The following UBQLN2 variants were observed in gnomAD, a reference collection of about 807,000 sequenced individuals.
The protein encoded by UBQLN2 is ubiquilin 2.
A neutral mutation model predicts 22.2 loss-of-function variants in UBQLN2; 2 were observed. The ratio of observed to expected loss-of-function variants is 0.09; its 90% CI spans 0.04 to 0.28. The LOEUF (loss-of-function observed/expected upper bound fraction) is 0.28. Among genes scored for constraint, UBQLN2 ranks in the 10% least tolerant of loss-of-function variants. The pLI, the probability that UBQLN2 is intolerant of heterozygous loss-of-function variation, is 1.00. For synonymous variants in UBQLN2, 252 were observed against 206.7 expected (o/e 1.22, Z -1.88); for missense variants, 446 against 505.1 (o/e 0.88, Z 1.12).
At position 56,565,821 on chromosome X, in the gene UBQLN2, C is replaced by A; in HGVS notation, c.*73C>A. ...GCTCTTAAATCTTTAAACACACACA[C>A]AAAATCGTTCTTTACTTTCATTTTG... On this transcript the variant is annotated 3_prime_UTR_variant, in exon 1 of 1. Coordinates refer to ENST00000338222, the MANE Select transcript of UBQLN2 (RefSeq NM_013444.4). 5 of 972,010 alleles carry A rather than the reference C, an allele frequency of 5.1e-6. No individual in the cohort carries two copies. The highest frequency in any genetic ancestry group is 7.2e-6 in the Non-Finnish European group (5 of 695,356). The allele number at this position is 972,010 out of a possible 1,213,427, so 80.1% of individuals were successfully genotyped here.
Position 56,565,395 on chromosome X carries a change from AC to A in UBQLN2, c.1527del (p.Ile510Ter). 8.4e-7 allele frequency: 1 copy of A among 1,195,557 alleles called. No individual in the cohort carries two copies. The highest frequency in any genetic ancestry group is 1.1e-6 in the Non-Finnish European group (1 of 887,225). ...IGPIGPIVPF[T>X]PIGPIGPIGP... ...CCCCATAGGCCCTATAGTCCCTTTT[AC>A]CCCCATAGGCCCCATTGGGCCCATA... is the stretch of plus-strand genomic sequence containing the variant. On this transcript the variant is annotated frameshift_variant, in exon 1 of 1. Transcript: ENST00000338222. LOFTEE classifies it high-confidence loss of function.
chrX:56,565,883 A>G lies in UBQLN2; in HGVS notation c.*135A>G, dbSNP rs1050012254. 1.9e-5 allele frequency: 13 copies of G among 673,831 alleles called. No homozygotes were observed. Among genetic ancestry groups the G allele is most frequent in the Non-Finnish European group, 3.0e-5 (13 of 437,014 alleles). The allele number at this position is 673,831 out of a possible 1,213,427, so 55.5% of individuals were successfully genotyped here. ...TCTGTCTAGTTGTAAGTCTAATATG[A>G]TGCATTTTAAGATGGAGTCCCTCCC... On this transcript the variant is annotated 3_prime_UTR_variant, in exon 1 of 1. Coordinates refer to ENST00000338222, the MANE Select transcript of UBQLN2 (RefSeq NM_013444.4).
chrX:56,563,942 G>T lies in UBQLN2; in HGVS notation c.69G>T (p.Ser23=). 8.6e-7 allele frequency: 1 copy of T among 1,160,958 alleles called. No individual in the cohort carries two copies. The change falls in exon 1 of 1, where the codon TCG becomes TCT. Residue 23 remains serine, a synonymous_variant. Transcript: ENST00000338222. ...PSRGPAAAQG[S]AAAPAEPKII... is the part of the protein sequence containing the mutation. ...GCGGCCCTGCTGCGGCCCAAGGCTC[G>T]GCTGCTGCCCCGGCTGAGCCTAAAA... is the stretch of plus-strand genomic sequence containing the variant.
Position 56,564,235 on chromosome X carries a change from C to G in UBQLN2, c.362C>G (p.Thr121Ser). Residue 121 changes from threonine to serine, a missense_variant, in exon 1 of 1, where the codon ACT (threonine) becomes AGT (serine). Around this residue, in one of 3 missense-constraint regions of UBQLN2, gnomAD observed 129 missense variants for 198.1 expected, o/e 0.65. Coordinates refer to ENST00000338222, the MANE Select transcript of UBQLN2 (RefSeq NM_013444.4). ...QSTQPSNAAG[T>S]NTTSASTPRS... ...ACGCAGCCTAGCAATGCCGCGGGAA[C>G]TAACACTACCTCGGCGTCGACTCCC... 2 of 1,211,268 alleles carry G rather than the reference C, an allele frequency of 1.7e-6. No homozygotes were observed. The highest frequency in any genetic ancestry group is 2.2e-6 in the Non-Finnish European group (2 of 895,273).
chrX:56,564,008 G>A lies in UBQLN2; in HGVS notation c.135G>A (p.Glu45=). 1 of 1,177,527 alleles carries A rather than the reference G, an allele frequency of 8.5e-7. No homozygotes were observed. The highest frequency in any genetic ancestry group is 1.1e-6 in the Non-Finnish European group (1 of 877,675). Reference sequence around the variant, plus strand: ...TGAAGACTCCCAAAGAGAAAGAGGAGTTCGCGGTGCCCGAGAACAGCTCGG... The same window carrying A: ...TGAAGACTCCCAAAGAGAAAGAGGAATTCGCGGTGCCCGAGAACAGCTCGG... The part of the protein sequence containing the change: ...VTVKTPKEKE[E]FAVPENSSVQ... Residue 45 remains glutamate, a synonymous_variant, in exon 1 of 1, where the codon GAG becomes GAA. Coordinates refer to ENST00000338222, the MANE Select transcript of UBQLN2 (RefSeq NM_013444.4).
At position 56,566,682 on chromosome X, in the gene UBQLN2, C is replaced by A. The variant is rs1327745151; in HGVS notation, c.*934C>A. ...GTATATGACCTTAATCTTTGTGCAG[C>A]CTGAAGGATCAGTGTAGTAATGCCA... On this transcript the variant is annotated 3_prime_UTR_variant, in exon 1 of 1. Transcript: ENST00000338222. 2 of 123,060 alleles carry A rather than the reference C, an allele frequency of 1.6e-5. No individual in the cohort carries two copies. The highest frequency in any genetic ancestry group is 2.8e-4 in the East Asian group (1 of 3,591). 10.1% of individuals were successfully genotyped at this position (123,060 alleles called of 1,213,427 possible). A position where few individuals can be genotyped will look rare whatever the true frequency, so the allele number is the denominator to read the frequency against.
rs901454194 is a variant in UBQLN2, at chrX:56,565,592, A to G, written c.1719A>G (p.Pro573=). ...MVQALAGANA[P]QLPNPEVRFQ... ...AGGCCCTGGCTGGAGCAAATGCTCC[A>G]CAGCTGCCGAATCCAGAAGTCAGAT... The change falls in exon 1 of 1, where the codon CCA becomes CCG. Residue 573 remains proline (P), a synonymous_variant. Transcript: ENST00000338222. 14 of 1,210,797 alleles carry G rather than the reference A, an allele frequency of 1.2e-5. No homozygotes were observed. The highest frequency in any genetic ancestry group is 8.9e-5 in the East Asian group (3 of 33,768).
chrX:56,564,327 G>A lies in UBQLN2; in HGVS notation c.454G>A (p.Ala152Thr). 1 of 1,211,160 alleles carries A rather than the reference G, an allele frequency of 8.3e-7. No individual in the cohort carries two copies. Reference protein sequence around the residue: ...PFGLGSLGGLAGLSSLGLSST... With the variant: ...PFGLGSLGGLTGLSSLGLSST... ...TGGGTTGGGGAGCCTGGGAGGACTT[G>A]CAGGCCTTAGCAGCCTGGGCTTGAG... is the stretch of plus-strand genomic sequence containing the variant. Residue 152 changes from alanine (A) to threonine (T), a missense_variant, in exon 1 of 1, where the codon GCA becomes ACA. By Grantham distance (58) the Ala-to-Thr change is moderately conservative (BLOSUM62 0). This residue lies in a region of UBQLN2 where 129 missense variants were observed against 198.1 expected (regional missense o/e 0.65). Coordinates refer to ENST00000338222, the MANE Select transcript of UBQLN2 (RefSeq NM_013444.4).
rs1018612501 is a variant in UBQLN2 at position 56,567,833 on chromosome X, T to C, written c.*2085T>C. Reference sequence around the variant, plus strand: ...TTCTGACTGCATGGGTTAAACATTTTCATAACAGTGCTAAATAATAAAGGT... The same window carrying C: ...TTCTGACTGCATGGGTTAAACATTTCCATAACAGTGCTAAATAATAAAGGT... On this transcript the variant is annotated 3_prime_UTR_variant, in exon 1 of 1. Transcript: ENST00000338222. The C allele has an allele frequency of 2.4e-5, 3 of 122,883 alleles. No individual in the cohort carries two copies. The highest frequency in any genetic ancestry group is 9.8e-5 in the African/African-American group (3 of 30,769). 10.1% of individuals were successfully genotyped at this position (122,883 alleles called of 1,213,427 possible).
In UBQLN2 at chrX:56,567,338, C is replaced by G. The variant is rs1025916406; in HGVS notation, c.*1590C>G. 8.2e-6 allele frequency: 1 copy of G among 122,502 alleles called. No homozygotes were observed. The highest frequency in any genetic ancestry group is 1.9e-5 in the Non-Finnish European group (1 of 53,035). The allele number at this position is 122,502 out of a possible 1,213,427, so 10.1% of individuals were successfully genotyped here. ...TTTTTTATTTTTTACAATATTCTGA[C>G]GATTCTGACATGTTTATTTTACCAG... is the stretch of plus-strand genomic sequence containing the variant. On this transcript the variant is annotated 3_prime_UTR_variant, in exon 1 of 1. Coordinates refer to ENST00000338222, the MANE Select transcript of UBQLN2 (RefSeq NM_013444.4).
rs2068649115 is a variant in UBQLN2, at chrX:56,567,674, T to C, written c.*1926T>C. ...GAGAAGAATTTATTTGCATCGATTA[T>C]TTTAAATTGGCAATTTATTGAAATC... On this transcript the variant is annotated 3_prime_UTR_variant, in exon 1 of 1. Coordinates refer to ENST00000338222, the MANE Select transcript of UBQLN2 (RefSeq NM_013444.4). The C allele has an allele frequency of 1.6e-5, 2 of 123,357 alleles. No individual in the cohort carries two copies. Among genetic ancestry groups the C allele is most frequent in the African/African-American group, 6.5e-5 (2 of 30,821 alleles). The allele number at this position is 123,357 out of a possible 1,213,427, so 10.2% of individuals were successfully genotyped here.
rs1020947442 is a variant in UBQLN2, at chrX:56,564,550, A to G, written c.677A>G (p.Asn226Ser). 1 of 1,211,942 alleles carries G rather than the reference A, an allele frequency of 8.3e-7. No homozygotes were observed. Among genetic ancestry groups the G allele is most frequent in the Non-Finnish European group, 1.1e-6 (1 of 895,541 alleles). The change falls in exon 1 of 1, where the codon AAC becomes AGC. Residue 226 changes from asparagine to serine, a missense_variant. Asn to Ser is a conservative substitution (Grantham distance 46, BLOSUM62 1). Coordinates refer to ENST00000338222, the MANE Select transcript of UBQLN2 (RefSeq NM_013444.4). Reference protein sequence around the residue: ...QRNPEISHLLNNPDIMRQTLE... With the variant: ...QRNPEISHLLSNPDIMRQTLE... The stretch of plus-strand genomic sequence containing the variant: ...AACCCAGAAATCAGTCACCTGCTCA[A>G]CAACCCAGACATAATGAGGCAGACA...
Position 56,565,668 on chromosome X carries a change from G to A in UBQLN2, c.1795G>A (p.Ala599Thr). ...CGCAATGGGGTTCTTAAACCGTGAA[G>A]CAAACTTGCAGGCCCTAATAGCAAC... ...LNAMGFLNRE[A>T]NLQALIATGG... is the part of the protein sequence containing the mutation. The change falls in exon 1 of 1, where the codon GCA becomes ACA. Residue 599 changes from alanine (A) to threonine (T), a missense_variant. By Grantham distance (58) the Ala-to-Thr change is moderately conservative (BLOSUM62 0). Around this residue, in one of 3 missense-constraint regions of UBQLN2, gnomAD observed 278 missense variants for 279.4 expected, o/e 1.00. Transcript: ENST00000338222. The A allele has an allele frequency of 8.3e-7, 1 of 1,212,015 alleles. No homozygotes were observed.
At position 56,565,452 on chromosome X, in the gene UBQLN2, TCCA is replaced by T; in HGVS notation, c.1582_1584del (p.Thr528del). 1.7e-6 allele frequency: 2 copies of T among 1,196,842 alleles called. No homozygotes were observed. Among genetic ancestry groups the T allele is most frequent in the South Asian group, 3.6e-5 (2 of 55,299 alleles). ...CACTGGCCCTGCAGCCCCCCCTGGCTCCACCGGCTCTGGTGGCCCCACGGGGCC... is the reference window on the plus strand; with the variant it reads ...CACTGGCCCTGCAGCCCCCCCTGGCTCCGGCTCTGGTGGCCCCACGGGGCC... On this transcript the variant is annotated inframe_deletion, in exon 1 of 1. Coordinates refer to ENST00000338222, the MANE Select transcript of UBQLN2 (RefSeq NM_013444.4).
rs753818064 is a variant in UBQLN2 at position 56,564,998 on chromosome X, G to A, written c.1125G>A (p.Gln375=). ...STPGMQSLLQ[Q]ITENPQLIQN... The stretch of plus-strand genomic sequence containing the variant: ...CAGGCATGCAGAGCCTGCTGCAACA[G>A]ATAACTGAAAACCCCCAGCTGATTC... Residue 375 remains glutamine (Q), a synonymous_variant, in exon 1 of 1, where the codon CAG becomes CAA. Coordinates refer to ENST00000338222, the MANE Select transcript of UBQLN2 (RefSeq NM_013444.4). 71 of 1,210,440 alleles carry A rather than the reference G, an allele frequency of 5.9e-5. No individual in the cohort carries two copies. The South Asian group carries it at 1.2e-3, about 21-fold the overall frequency.
chrX:56,564,720 G>T lies in UBQLN2; in HGVS notation c.847G>T (p.Ala283Ser), dbSNP rs749463696. ...CATTCAAGAGCCGATGCTGAATGCC[G>T]CACAAGAGCAGTTTGGGGGTAATCC... ...TDIQEPMLNA[A>S]QEQFGGNPFA... Residue 283 changes from alanine (A) to serine (S), a missense_variant, in exon 1 of 1, where the codon GCA becomes TCA. Transcript: ENST00000338222. The T allele has an allele frequency of 8.3e-7, 1 of 1,211,418 alleles. No homozygotes were observed. Among genetic ancestry groups the T allele is most frequent in the Non-Finnish European group, 1.1e-6 (1 of 895,356 alleles).
At position 56,564,795 on chromosome X, in the gene UBQLN2, T is replaced by G. The variant is rs1204456584; in HGVS notation, c.922T>G (p.Ser308Ala). The G allele has an allele frequency of 7.4e-6, 9 of 1,210,916 alleles. No homozygotes were observed. Among genetic ancestry groups the G allele is most frequent in the Non-Finnish European group, 8.9e-6 (8 of 895,309 alleles). ...CTCCTCTGGGGAAGGTACGCAGCCT[T>G]CCCGCACAGAAAATCGCGATCCACT... ...SSSSGEGTQP[S>A]RTENRDPLPN... Residue 308 changes from serine (S) to alanine (A), a missense_variant, in exon 1 of 1, where the codon TCC becomes GCC. Physicochemically the swap from Ser to Ala is moderately conservative, Grantham distance 99. Transcript: ENST00000338222.
rs1225170049 is a variant in UBQLN2 at position 56,564,254 on chromosome X, G to A, written c.381G>A (p.Ser127=). The change falls in exon 1 of 1, where the codon TCG becomes TCA. Residue 127 remains serine (S), a synonymous_variant. Transcript: ENST00000338222. ...CGGGAACTAACACTACCTCGGCGTC[G>A]ACTCCCAGGAGTAACTCCACACCTA... ...NAAGTNTTSA[S]TPRSNSTPIS... 2 of 1,210,956 alleles carry A rather than the reference G, an allele frequency of 1.7e-6. No homozygotes were observed. The highest frequency in any genetic ancestry group is 2.2e-5 in the Admixed American group (1 of 45,961).
chrX:56,564,230 G>A lies in UBQLN2; in HGVS notation c.357G>A (p.Ala119=). Reference sequence around the variant, plus strand: ...AGTCCACGCAGCCTAGCAATGCCGCGGGAACTAACACTACCTCGGCGTCGA... The same window carrying A: ...AGTCCACGCAGCCTAGCAATGCCGCAGGAACTAACACTACCTCGGCGTCGA... ...QGQSTQPSNA[A]GTNTTSASTP... is the part of the protein sequence containing the mutation. Residue 119 remains alanine, a synonymous_variant, in exon 1 of 1, where the codon GCG becomes GCA. Transcript: ENST00000338222. 1 of 1,211,249 alleles carries A rather than the reference G, an allele frequency of 8.3e-7. No individual in the cohort carries two copies. The highest frequency in any genetic ancestry group is 1.1e-6 in the Non-Finnish European group (1 of 895,332).
Sources: gnomAD v4.1 joint callset for allele counts on GRCh38, gnomAD v4.1.1 for gene constraint, gnomAD v4.1.1 regional missense constraint, MANE v1.5 for transcripts, NCBI Gene and HGNC (gene_info 2026-07-23, HGNC 2026-07-21) for gene names.